The following SLC26A7 variants were observed in gnomAD, a reference collection of about 807,000 sequenced individuals.
SLC26A7 encodes anion exchange transporter.
A neutral mutation model predicts 82.5 loss-of-function variants in SLC26A7; 59 were observed. That is an observed-to-expected ratio of 0.72 (90% CI 0.58 to 0.89). The LOEUF (loss-of-function observed/expected upper bound fraction) is 0.89, where lower values mean the gene tolerates loss of function less well. Among genes scored for constraint, SLC26A7 ranks in the 40% least tolerant of loss-of-function variants. SLC26A7 has a pLI of 0.00. For missense variants in SLC26A7, 820 were observed against 793.0 expected (o/e 1.03, Z -0.41); for synonymous variants, 271 against 274.3 (o/e 0.99, Z 0.12).
At chr8:91,229,875 C>T (rs1000303796) in intron 2 of SLC26A7, among the ~76,000 whole-genome samples, 2 of 152,142 alleles carry the variant, frequency 1.3e-5, no homozygotes, top group Non-Finnish European at 2.9e-5. Flanking sequence ...ATAAACATTG[C>T]ACAGGGCACA....
chr8:91,227,500 G>T (rs898678427), intron 2 of SLC26A7, among the ~76,000 whole-genome samples: 7 of 152,044 alleles, frequency 4.6e-5, no homozygotes, highest in Non-Finnish European at 1.5e-5. Context: ...TGTGGTCTCT[G>T]ATTCTTTATA....
intron 9 of SLC26A7, among the ~76,000 whole-genome samples, chr8:91,348,839 A>T (rs1232639591): frequency 6.6e-6 from 1 of 152,210 alleles, no homozygotes; most frequent in Non-Finnish European, 1.5e-5. Flanking sequence ...GCAAAGTAAA[A>T]TATACGAAGA....
At chr8:91,381,380 G>A (rs1023434710) in intron 15 of SLC26A7, among the ~76,000 whole-genome samples, 3 of 152,036 alleles carry the variant, frequency 2.0e-5, no homozygotes, top group African/African-American at 7.2e-5. Context: ...GAACTGCATG[G>A]ACCCACATTA....
At position 91,294,012 on chromosome 8, in the gene SLC26A7, A is replaced by G. The variant is rs188630897; in HGVS notation, c.305-1519A>G. On this transcript the variant is annotated intron_variant, in intron 3 of 18. Coordinates refer to ENST00000276609, the MANE Select transcript of SLC26A7 (RefSeq NM_052832.4). The stretch of plus-strand genomic sequence containing the variant: ...ACATTAGTTTCTTGATGTACTCTTA[A>G]TTTAGTATTTTGTGATAAGGACAGT... Among the ~76,000 whole-genome samples the G allele has an allele frequency of 3.7e-3, 567 of 152,242 alleles. 1 individual carries two copies. The highest frequency in any genetic ancestry group is 0.013 in the African/African-American group (533 of 41,544).
chr8:91,336,290 G>A (rs750678336), intron 6 of SLC26A7, among the ~76,000 whole-genome samples: 1 of 152,034 alleles, frequency 6.6e-6, no homozygotes, highest in Non-Finnish European at 1.5e-5. Context: ...CCATGGACTG[G>A]TACCAGTTCA....
In SLC26A7 at chr8:91,352,901, T is replaced by C. The variant is rs774593792; in HGVS notation, c.1219T>C (p.Cys407Arg). The change falls in exon 11 of 19, where the codon TGT (cysteine) becomes CGT (arginine). Residue 407 changes from cysteine (C) to arginine (R), a missense_variant and splice_region_variant. Physicochemically the swap from Cys to Arg is radical, Grantham distance 180. Transcript: ENST00000276609. ...TCTTCAACTTACGTTTTATTTCTAG[T>C]GTGTCCTTGCAAGCATTATTGTTGT... ...IGPLLYWLPM[C>R]VLASIIVVGL... is the part of the protein sequence containing the mutation. 1.9e-6 allele frequency: 3 copies of C among 1,594,260 alleles called. No homozygotes were observed. Among genetic ancestry groups the C allele is most frequent in the South Asian group, 1.2e-5 (1 of 86,918 alleles).
At chr8:91,279,074 GA>G (rs1389691407) in intron 2 of SLC26A7, among the ~76,000 whole-genome samples, 1 of 142,474 alleles carries the variant, frequency 7.0e-6, no homozygotes, top group Non-Finnish European at 1.5e-5. Flanking sequence ...CAAATGATAG[GA>G]TCCCCTTATT....
At chr8:91,219,594 TTTTC>T (rs1465874402) in intron 2 of SLC26A7, among the ~76,000 whole-genome samples, 3 of 152,330 alleles carry the variant, frequency 2.0e-5, no homozygotes, top group South Asian at 4.1e-4. Flanking sequence ...ATTGTGCTCA[TTTTC>T]TTTAAGGACA....
intron 7 of SLC26A7, among the ~76,000 whole-genome samples, chr8:91,339,693 A>T (rs1031131963): frequency 1.3e-5 from 2 of 151,788 alleles, no homozygotes; most frequent in African/African-American, 4.8e-5. Context: ...TCTCCCAAAG[A>T]ATCATCAGGG....
At chr8:91,352,706 G>T (rs963421510) in intron 10 of SLC26A7, among the ~76,000 whole-genome samples, 195 bp from the exon 11 acceptor site, 1 of 151,822 alleles carries the variant, frequency 6.6e-6, no homozygotes, top group Non-Finnish European at 1.5e-5. Context: ...ATGAATTCTA[G>T]AATATATATT....
At chr8:91,240,365 A>G (rs969247948) in intron 2 of SLC26A7, among the ~76,000 whole-genome samples, 2 of 152,176 alleles carry the variant, frequency 1.3e-5, no homozygotes, top group Non-Finnish European at 2.9e-5. Context: ...AAATTTCAAT[A>G]GTGTTACTAA....
At chr8:91,378,459 AATTTT>A in intron 15 of SLC26A7, among the ~76,000 whole-genome samples, 1 of 147,142 alleles carries the variant, frequency 6.8e-6, no homozygotes, top group South Asian at 2.1e-4. Flanking sequence ...ATAAATATAT[AATTTT>A]ATATGTATTT....
chr8:91,239,748 C>G (rs547508087), intron 2 of SLC26A7, among the ~76,000 whole-genome samples: 38 of 152,152 alleles, frequency 2.5e-4, no homozygotes, highest in Non-Finnish European at 1.5e-4. Context: ...AGGATTGACA[C>G]AGATGGATTT....
At chr8:91,261,161 T>C (rs887030279) in intron 2 of SLC26A7, among the ~76,000 whole-genome samples, 1 of 152,130 alleles carries the variant, frequency 6.6e-6, no homozygotes, top group Non-Finnish European at 1.5e-5. Flanking sequence ...AATTATTTTG[T>C]TTTTAAGAAT....
chr8:91,338,359 A>C (rs1224896975), intron 7 of SLC26A7, 127 bp downstream of exon 7: 1 of 576,270 alleles, frequency 1.7e-6, no homozygotes, highest in African/African-American at 2.0e-5. Context: ...TTACAAAATG[A>C]TAGAAATACA....
At position 91,251,554 on chromosome 8, in the gene SLC26A7, C is replaced by T. The variant is rs562916586; in HGVS notation, c.193+1710C>T. Among the ~76,000 whole-genome samples, 6 of 152,158 alleles carry T rather than the reference C, an allele frequency of 3.9e-5. No homozygotes were observed. The East Asian group carries it at 9.7e-4, about 25-fold the overall frequency. On this transcript the variant is annotated intron_variant, in intron 2 of 18. Coordinates refer to ENST00000276609, the MANE Select transcript of SLC26A7 (RefSeq NM_052832.4). ...CAAACTTTTTCATGCTCATCTACTA[C>T]GTATAGACAGTTAAAAAGTGAAATG...
intron 2 of SLC26A7, among the ~76,000 whole-genome samples, chr8:91,241,269 TA>T (rs1373962446): frequency 6.6e-6 from 1 of 152,068 alleles, no homozygotes; most frequent in East Asian, 1.9e-4. Flanking sequence ...CTCAATGAAA[TA>T]AAAAATTACA....
At chr8:91,270,671 G>A (rs1811244531) in intron 2 of SLC26A7, among the ~76,000 whole-genome samples, 1 of 152,130 alleles carries the variant, frequency 6.6e-6, no homozygotes, top group Admixed American at 6.5e-5. Flanking sequence ...GAGTACTTCA[G>A]GTGTCTCTCT....
intron 3 of SLC26A7, among the ~76,000 whole-genome samples, chr8:91,295,256 C>T (rs1051724133): frequency 6.6e-6 from 1 of 152,072 alleles, no homozygotes; most frequent in East Asian, 1.9e-4. Context: ...ATTCTTTATG[C>T]CAATCTGCAG....
Sources: gnomAD v4.1 joint callset for allele counts (sites outside exome capture counted in the v4.1 genomes callset) on GRCh38, gnomAD v4.1.1 for gene constraint, MANE v1.5 for transcripts, NCBI Gene and HGNC (gene_info 2026-07-23, HGNC 2026-07-21) for gene names.